FARS2: variants seen among roughly 807,000 people sequenced by gnomAD.
The protein encoded by FARS2 is phenylalanine--tRNA ligase, mitochondrial.
In FARS2, 40 loss-of-function variants were observed where a neutral mutation model predicts 46.4. The observed-to-expected ratio is 0.86, with a 90% CI of 0.67 to 1.12. FARS2 has a LOEUF of 1.12. Among genes scored for constraint, FARS2 ranks in the 50% most tolerant of loss-of-function variants. The probability of loss-of-function intolerance (pLI) is 0.00; values close to 1 mark genes in which losing one functional copy is unlikely to be tolerated. For synonymous variants in FARS2, 234 were observed against 214.9 expected, an observed-to-expected ratio of 1.09 and a Z score of -0.78; for missense variants, 513 against 567.9, an observed-to-expected ratio of 0.90 and a Z score of 0.98.
At chr6:5,339,403 C>A (rs1771394171) in intron 1 of FARS2, among the ~76,000 whole-genome samples, 1 of 151,472 alleles carries the variant, frequency 6.6e-6, no homozygotes, top group African/African-American at 2.4e-5. Flanking sequence ...ATCGTGCATA[C>A]CAAAAATTAA....
intron 6 of FARS2, among the ~76,000 whole-genome samples, chr6:5,701,955 G>A (rs1758468416): frequency 6.6e-6 from 1 of 152,154 alleles, no homozygotes; most frequent in Admixed American, 6.5e-5. Flanking sequence ...AAAATGATGG[G>A]TGGCTTGTCA....
chr6:5,721,250 A>C (rs1390231004), intron 6 of FARS2, among the ~76,000 whole-genome samples: 1 of 152,184 alleles, frequency 6.6e-6, no homozygotes, highest in African/African-American at 2.4e-5. Context: ...GAAGACAACT[A>C]GCTTCTTATA....
chr6:5,576,445 G>A (rs993126789), intron 5 of FARS2, among the ~76,000 whole-genome samples: 2 of 152,130 alleles, frequency 1.3e-5, no homozygotes, highest in African/African-American at 4.8e-5. Context: ...AAGTTCTACA[G>A]TTTTGGCACT....
At chr6:5,756,322 T>C (rs1211025194) in intron 6 of FARS2, among the ~76,000 whole-genome samples, 1 of 152,242 alleles carries the variant, frequency 6.6e-6, no homozygotes, top group African/African-American at 2.4e-5. Flanking sequence ...ACATATTGTA[T>C]TAGTTCATTC....
At chr6:5,761,198 A>G (rs999060574) in intron 6 of FARS2, among the ~76,000 whole-genome samples, 5 of 152,180 alleles carry the variant, frequency 3.3e-5, no homozygotes, top group Admixed American at 2.0e-4. Context: ...TCTATGGTCC[A>G]TGCCATTTAT....
At chr6:5,477,398 TTTTA>T (rs1766186124) in intron 4 of FARS2, among the ~76,000 whole-genome samples, 1 of 152,196 alleles carries the variant, frequency 6.6e-6, no homozygotes, top group Non-Finnish European at 1.5e-5. Flanking sequence ...GAAATACCAC[TTTTA>T]TTTGTTTGAC....
intron 1 of FARS2, among the ~76,000 whole-genome samples, chr6:5,306,311 C>T (rs924484918): frequency 5.3e-5 from 8 of 152,118 alleles, no homozygotes; most frequent in African/African-American, 1.9e-4. Context: ...CAGTGAATGT[C>T]GAATGAAATG....
At chr6:5,640,274 T>G (rs1232103792) in intron 6 of FARS2, among the ~76,000 whole-genome samples, 1 of 152,148 alleles carries the variant, frequency 6.6e-6, no homozygotes, top group Non-Finnish European at 1.5e-5. Flanking sequence ...ACTGGTACTG[T>G]GGGAGGACCA....
At chr6:5,567,752 C>T (rs1772405398) in intron 5 of FARS2, among the ~76,000 whole-genome samples, 1 of 152,254 alleles carries the variant, frequency 6.6e-6, no homozygotes, top group Admixed American at 6.5e-5. Flanking sequence ...CCAACATCAT[C>T]TTTGAGTGTA....
At chr6:5,768,869 ATACAAATCCCTTATCAGG>A (rs1403695368) in intron 6 of FARS2, among the ~76,000 whole-genome samples, 33 of 152,228 alleles carry the variant, frequency 2.2e-4, no homozygotes, top group Middle Eastern at 3.4e-3. Context: ...TATATTCTAG[ATACAAATCCCTTATCAGG>A]TATATGACTT....
At chr6:5,648,055 C>T (rs74533391) in intron 6 of FARS2, among the ~76,000 whole-genome samples, 16 of 152,354 alleles carry the variant, frequency 1.1e-4, no homozygotes, top group African/African-American at 1.4e-4. Flanking sequence ...GTGCCAGGCA[C>T]ACTGCCTTCT....
chr6:5,543,305 G>A (rs1316736879), intron 4 of FARS2, among the ~76,000 whole-genome samples: 1 of 151,772 alleles, frequency 6.6e-6, no homozygotes, highest in Non-Finnish European at 1.5e-5. Context: ...GAAGCTCCAT[G>A]AATGTTCTGG....
At chr6:5,497,217 C>G (rs1767525208) in intron 4 of FARS2, among the ~76,000 whole-genome samples, 1 of 152,132 alleles carries the variant, frequency 6.6e-6, no homozygotes, top group East Asian at 1.9e-4. Context: ...ATATAATGAT[C>G]ATTATAATAT....
intron 1 of FARS2, among the ~76,000 whole-genome samples, chr6:5,319,306 G>A (rs898232592): frequency 6.6e-6 from 1 of 152,148 alleles, no homozygotes; most frequent in Non-Finnish European, 1.5e-5. Flanking sequence ...CAGCATCCAC[G>A]CTAAGAGGTA....
chr6:5,759,499 A>G (rs888336947), intron 6 of FARS2, among the ~76,000 whole-genome samples: 8 of 152,120 alleles, frequency 5.3e-5, no homozygotes, highest in African/African-American at 1.9e-4. Flanking sequence ...TACATGGCAT[A>G]TGGTGGGTGG....
At position 5,343,694 on chromosome 6, in the gene FARS2, A is replaced by T. The variant is rs979808405; in HGVS notation, c.-21-24856A>T. On this transcript the variant is annotated intron_variant, in intron 1 of 6. Coordinates refer to ENST00000274680, the MANE Select transcript of FARS2 (RefSeq NM_006567.5). This position sits in a 1 kb window ranked among gnomAD's most constrained non-coding sequence, Gnocchi z 4.5. ...TTAACAGGAATGTGTCGTGACTGAAAGTGGAGGATGAGCTGGTATGACATG... is the reference window on the plus strand; with the variant it reads ...TTAACAGGAATGTGTCGTGACTGAATGTGGAGGATGAGCTGGTATGACATG... Among the ~76,000 whole-genome samples the T allele has an allele frequency of 1.3e-5, 2 of 152,178 alleles. No individual in the cohort carries two copies. The highest frequency in any genetic ancestry group is 4.8e-5 in the African/African-American group (2 of 41,442).
intron 1 of FARS2, among the ~76,000 whole-genome samples, chr6:5,359,205 A>AATTTTTGT (rs1256188864): frequency 6.6e-6 from 1 of 151,758 alleles, no homozygotes; most frequent in Non-Finnish European, 1.5e-5. Flanking sequence ...GTGCCTGGCT[A>AATTTTTGT]ATTTTTGTAT....
intron 6 of FARS2, among the ~76,000 whole-genome samples, chr6:5,699,576 C>T (rs1225948688): frequency 6.6e-6 from 1 of 151,482 alleles, no homozygotes; most frequent in African/African-American, 2.4e-5. Flanking sequence ...GGCGCGATCT[C>T]GGCTCACTGC....
intron 1 of FARS2, among the ~76,000 whole-genome samples, chr6:5,318,225 G>A (rs1359714393): frequency 6.6e-6 from 1 of 152,006 alleles, no homozygotes; most frequent in Non-Finnish European, 1.5e-5. Flanking sequence ...CTGGTGTGGT[G>A]GCCGGCACCT....
Sources: allele counts gnomAD v4.1 joint callset (sites outside exome capture counted in the v4.1 genomes callset), GRCh38; gene constraint gnomAD v4.1.1; non-coding constraint Gnocchi (gnomAD v3.1); transcripts MANE v1.5; gene names NCBI Gene and HGNC (gene_info 2026-07-23, HGNC 2026-07-21).